The following KCNB2 variants were observed in gnomAD, a reference collection of about 807,000 sequenced individuals.
The protein encoded by KCNB2 is delayed rectifier potassium channel protein.
A neutral mutation model predicts 61.5 loss-of-function variants in KCNB2; 15 were observed. The ratio of observed to expected loss-of-function variants is 0.24; its 90% CI spans 0.16 to 0.38. The LOEUF is 0.38. Ranked by LOEUF, KCNB2 falls within the 10% of genes least tolerant of loss-of-function variation. The pLI, the probability that KCNB2 is intolerant of heterozygous loss-of-function variation, is 1.00. For synonymous variants in KCNB2, 457 were observed against 446.0 expected, an observed-to-expected ratio of 1.02 and a Z score of -0.31; for missense variants, 828 against 1,125.2, an observed-to-expected ratio of 0.74 and a Z score of 3.78.
chr8:72,788,547 C>T (rs919355037), intron 2 of KCNB2, among the ~76,000 whole-genome samples: 2 of 151,950 alleles, frequency 1.3e-5, no homozygotes, highest in African/African-American at 4.8e-5. Context: ...TGGGGAGACT[C>T]AAGTTGGTTC....
intron 2 of KCNB2, among the ~76,000 whole-genome samples, chr8:72,733,143 T>C (rs1807779835): frequency 6.6e-6 from 1 of 152,226 alleles, no homozygotes; most frequent in Non-Finnish European, 1.5e-5. Flanking sequence ...TTATTTAGTC[T>C]GAGCAGATGT....
At chr8:72,761,794 A>G (rs954514243) in intron 2 of KCNB2, among the ~76,000 whole-genome samples, 2 of 99,242 alleles carry the variant, frequency 2.0e-5, no homozygotes, top group African/African-American at 1.0e-4. Context: ...AAATACTGTT[A>G]CAAAAAAAGG....
At chr8:72,714,882 C>G (rs1359080884) in intron 2 of KCNB2, among the ~76,000 whole-genome samples, 1 of 152,128 alleles carries the variant, frequency 6.6e-6, no homozygotes, top group South Asian at 2.1e-4. Flanking sequence ...GATAAAGAGT[C>G]AAGACCCATC....
At chr8:72,706,587 A>G (rs903812677) in intron 2 of KCNB2, among the ~76,000 whole-genome samples, 1 of 152,218 alleles carries the variant, frequency 6.6e-6, no homozygotes, top group Non-Finnish European at 1.5e-5. Flanking sequence ...GCTTTTTACA[A>G]AACCATTTCT....
intron 2 of KCNB2, among the ~76,000 whole-genome samples, chr8:72,708,462 A>G (rs1430095756): frequency 1.3e-5 from 2 of 152,212 alleles, no homozygotes; most frequent in East Asian, 1.9e-4. Context: ...ATAGTTGACT[A>G]TGGTCTGGAA....
In KCNB2 at chr8:72,785,609, A is replaced by AT. The variant is rs574129583; in HGVS notation, c.580-150317dup. On this transcript the variant is annotated intron_variant, in intron 2 of 2. Coordinates refer to ENST00000523207, the MANE Select transcript of KCNB2 (RefSeq NM_004770.3). ...GAGAGATGATACCATTTAATCAGGG[A>AT]TTTTTTTTTGACATCCTGTTTTATA... Among the ~76,000 whole-genome samples the AT allele has an allele frequency of 2.4e-3, 371 of 151,642 alleles. 2 individuals carry two copies. Among genetic ancestry groups the AT allele is most frequent in the Middle Eastern group, 0.01 (3 of 292 alleles).
intron 2 of KCNB2, among the ~76,000 whole-genome samples, chr8:72,930,736 A>G (rs1033369803): frequency 1.3e-5 from 2 of 152,118 alleles, no homozygotes; most frequent in Non-Finnish European, 1.5e-5. Context: ...ATTTTCTCTC[A>G]TTCTGTAGGT....
At chr8:72,570,556 G>A (rs963822868) in intron 2 of KCNB2, among the ~76,000 whole-genome samples, 10 of 151,882 alleles carry the variant, frequency 6.6e-5, no homozygotes, top group African/African-American at 2.2e-4. Context: ...TACTCTTCAC[G>A]AGTCCTATAA....
intron 2 of KCNB2, among the ~76,000 whole-genome samples, chr8:72,571,021 C>G (rs1170781132): frequency 1.3e-5 from 2 of 151,978 alleles, no homozygotes; most frequent in Non-Finnish European, 2.9e-5. Context: ...GTGTTTTTCT[C>G]TTTTGGTTTT....
intron 2 of KCNB2, among the ~76,000 whole-genome samples, chr8:72,726,422 G>C (rs1044436717): frequency 2.0e-5 from 3 of 152,330 alleles, no homozygotes; most frequent in South Asian, 4.1e-4. Flanking sequence ...CTAAGAGTAG[G>C]AAATTGGTTA....
chr8:72,796,525 T>G (rs528028200), intron 2 of KCNB2, among the ~76,000 whole-genome samples: 5 of 152,300 alleles, frequency 3.3e-5, no homozygotes, highest in African/African-American at 1.2e-4. Flanking sequence ...AACAGATTCA[T>G]GTCAAATTTA....
At chr8:72,714,249 CA>C (rs1467148379) in intron 2 of KCNB2, among the ~76,000 whole-genome samples, 9 of 152,100 alleles carry the variant, frequency 5.9e-5, no homozygotes, top group Non-Finnish European at 1.2e-4. Flanking sequence ...GGATATTATC[CA>C]GGAGAACTTC....
intron 2 of KCNB2, among the ~76,000 whole-genome samples, chr8:72,823,789 GAC>G (rs1257906137): frequency 6.6e-6 from 1 of 152,158 alleles, no homozygotes; most frequent in African/African-American, 2.4e-5. Flanking sequence ...GGTCTCAGGT[GAC>G]ACAGGAAATG....
chr8:72,581,902 G>A (rs1806904240), intron 2 of KCNB2, among the ~76,000 whole-genome samples: 1 of 152,190 alleles, frequency 6.6e-6, no homozygotes, highest in Admixed American at 6.5e-5. Context: ...CTTGTCATAG[G>A]TAAAGTGTAG....
At chr8:72,774,638 C>T (rs991079974) in intron 2 of KCNB2, among the ~76,000 whole-genome samples, 12 of 152,012 alleles carry the variant, frequency 7.9e-5, no homozygotes, top group African/African-American at 2.2e-4. Context: ...CATGAACCAC[C>T]GCACCCAGCC....
At chr8:72,625,728 G>A (rs1805779670) in intron 2 of KCNB2, among the ~76,000 whole-genome samples, 1 of 152,166 alleles carries the variant, frequency 6.6e-6, no homozygotes, top group South Asian at 2.1e-4. Context: ...ACTGCACCCA[G>A]AAAAATGAGC....
rs528812213 is a variant in KCNB2, at chr8:72,819,364, C to A, written c.580-116571C>A. On this transcript the variant is annotated intron_variant, in intron 2 of 2. Transcript: ENST00000523207. ...AGGTGATCCCCATTCACCTCAGCAC[C>A]CCCTTAGAAATATTCAGCCAATCCC... 4.6e-5 allele frequency among the ~76,000 whole-genome samples: 7 copies of A among 152,216 alleles called. No homozygotes were observed. In the South Asian group the frequency reaches 1.5e-3, roughly 32 times the overall value.
At chr8:72,800,087 A>G (rs1809099038) in intron 2 of KCNB2, among the ~76,000 whole-genome samples, 1 of 152,196 alleles carries the variant, frequency 6.6e-6, no homozygotes, top group Admixed American at 6.6e-5. Context: ...GGTTTTGAGC[A>G]TGGAACTGAA....
chr8:72,584,746 C>T (rs1041660366), intron 2 of KCNB2, among the ~76,000 whole-genome samples: 1 of 152,088 alleles, frequency 6.6e-6, no homozygotes, highest in African/African-American at 2.4e-5. Flanking sequence ...TGGTCTTATA[C>T]ATTTATAATG....
Sources: allele counts gnomAD v4.1 joint callset (sites outside exome capture counted in the v4.1 genomes callset), GRCh38; gene constraint gnomAD v4.1.1; transcripts MANE v1.5; gene names NCBI Gene and HGNC (gene_info 2026-07-23, HGNC 2026-07-21).